The following FAM78B variants were observed in gnomAD, a reference collection of about 807,000 sequenced individuals.
FAM78B encodes the protein family with sequence similarity 78 member B, also known as protein FAM78B.
Under a neutral mutation model 20.0 loss-of-function variants are expected in FAM78B, and 10 were observed. The observed-to-expected ratio is 0.50, with a 90% confidence interval of 0.31 to 0.85. The LOEUF (loss-of-function observed/expected upper bound fraction) is 0.85. Among genes scored for constraint, FAM78B ranks in the 40% least tolerant of loss-of-function variants. The probability of loss-of-function intolerance (pLI) is 0.05; values close to 1 mark genes in which losing one functional copy is unlikely to be tolerated. For synonymous variants in FAM78B, 135 were observed against 132.8 expected (o/e 1.02, Z -0.12); for missense variants, 283 against 345.0 (o/e 0.82, Z 1.42).
intron 1 of FAM78B, among the ~76,000 whole-genome samples, chr1:166,105,847 C>A (rs1372729973): frequency 4.0e-5 from 6 of 151,680 alleles, no homozygotes; most frequent in Non-Finnish European, 8.8e-5. Flanking sequence ...CCAGCCATCC[C>A]ATTACTGGGT....
intron 1 of FAM78B, among the ~76,000 whole-genome samples, chr1:166,141,069 A>C (rs929260404): frequency 2.0e-5 from 3 of 152,208 alleles, no homozygotes; most frequent in African/African-American, 4.8e-5. Flanking sequence ...AATATATCAG[A>C]AATGCTCCCC....
intron 2 of FAM78B, among the ~76,000 whole-genome samples, chr1:166,063,694 G>T (rs891327263): frequency 2.6e-5 from 4 of 152,120 alleles, no homozygotes; most frequent in African/African-American, 9.7e-5. Flanking sequence ...TAGGCTCAGC[G>T]ATCTCACTAT....
downstream of FAM78B, among the ~76,000 whole-genome samples, chr1:166,067,665 TA>T (rs1651851151): frequency 6.6e-6 from 1 of 152,124 alleles, no homozygotes; most frequent in African/African-American, 2.4e-5. Context: ...CATTTCCTTG[TA>T]AAACAACAGT....
intron 1 of FAM78B, among the ~76,000 whole-genome samples, chr1:166,105,758 G>T (rs1020532864): frequency 7.3e-5 from 11 of 151,716 alleles, no homozygotes; most frequent in African/African-American, 2.4e-4. Context: ...ACTGTTGGTG[G>T]GACTGTAAAC....
intron 1 of FAM78B, among the ~76,000 whole-genome samples, chr1:166,130,868 C>T (rs913236056): frequency 6.6e-6 from 1 of 151,994 alleles, no homozygotes; most frequent in Non-Finnish European, 1.5e-5. Context: ...TGTGGCAGAA[C>T]TCAGAAGAAA....
chr1:166,151,564 T>A (rs569646646), intron 1 of FAM78B, among the ~76,000 whole-genome samples: 2 of 152,312 alleles, frequency 1.3e-5, no homozygotes, highest in East Asian at 3.9e-4. Context: ...TGTCCAATTG[T>A]TGGCCTAGGA....
At chr1:166,155,364 CCG>C (rs1269128310) in intron 1 of FAM78B, among the ~76,000 whole-genome samples, 9 of 152,192 alleles carry the variant, frequency 5.9e-5, no homozygotes, top group African/African-American at 1.7e-4. Context: ...TGTTATCCGA[CCG>C]CTGTAGGCCT....
At chr1:166,097,332 A>G (rs1020708538) in intron 1 of FAM78B, among the ~76,000 whole-genome samples, 1 of 152,212 alleles carries the variant, frequency 6.6e-6, no homozygotes, top group Non-Finnish European at 1.5e-5. Context: ...ACTCTGCAAC[A>G]ACTTGAATAG....
At chr1:166,163,522 C>A (rs1656240650) in intron 1 of FAM78B, among the ~76,000 whole-genome samples, 1 of 152,190 alleles carries the variant, frequency 6.6e-6, no homozygotes, top group Non-Finnish European at 1.5e-5. Flanking sequence ...GTTTTCTAAT[C>A]CAAACCCTTT....
intron 1 of FAM78B, among the ~76,000 whole-genome samples, chr1:166,118,923 T>C (rs368255461): frequency 9.9e-4 from 150 of 152,254 alleles, no homozygotes; most frequent in African/African-American, 3.5e-3. Flanking sequence ...CATTCCATTT[T>C]GTCATTTTGC....
At chr1:166,072,400 C>T (rs1292727448) in intron 1 of FAM78B, among the ~76,000 whole-genome samples, 3 of 152,186 alleles carry the variant, frequency 2.0e-5, no homozygotes, top group Non-Finnish European at 4.4e-5. Context: ...TCATGGTTGG[C>T]AGACACTAAG....
intron 1 of FAM78B, among the ~76,000 whole-genome samples, chr1:166,150,032 G>C (rs968152440): frequency 2.0e-5 from 3 of 152,210 alleles, no homozygotes; most frequent in Non-Finnish European, 4.4e-5. Context: ...TCAGGGAACA[G>C]GTGCAGAGAA....
chr1:166,119,671 C>T (rs1654393374), intron 1 of FAM78B, among the ~76,000 whole-genome samples: 1 of 152,226 alleles, frequency 6.6e-6, no homozygotes, highest in Admixed American at 6.5e-5. Flanking sequence ...TGCATTTCCA[C>T]TTCTATTACA....
chr1:166,113,531 C>A (rs1004044889), intron 1 of FAM78B, among the ~76,000 whole-genome samples: 5 of 152,212 alleles, frequency 3.3e-5, no homozygotes, highest in Non-Finnish European at 7.3e-5. Context: ...TTAGGATTTA[C>A]CCTCCAAGGA....
chr1:166,159,385 C>T (rs61835129), intron 1 of FAM78B, among the ~76,000 whole-genome samples: 10,755 of 152,126 alleles, frequency 0.071, 470 homozygotes, highest in South Asian at 0.14. Context: ...GACAATAGTA[C>T]CTAGTTCCCA....
At chr1:166,109,832 G>GTATATATATATATATATA (rs1215891381) in intron 1 of FAM78B, among the ~76,000 whole-genome samples, 1 of 28,274 alleles carries the variant, frequency 3.5e-5, no homozygotes, top group Non-Finnish European at 7.5e-5. Flanking sequence ...ATATATATAT[G>GTATATATATATATATATA]TATATATGTA....
chr1:166,057,510 T>C (rs999515216), exon 3 of FAM78B: 3 of 152,262 alleles, frequency 2.0e-5, no homozygotes, highest in African/African-American at 7.2e-5. Context: ...TGAGTTTATG[T>C]AACATCTGAA....
intron 1 of FAM78B, among the ~76,000 whole-genome samples, chr1:166,128,825 T>C (rs1654737131): frequency 1.3e-5 from 2 of 152,152 alleles, no homozygotes; most frequent in African/African-American, 4.8e-5. Context: ...TATTAATGAC[T>C]AAATATGTAT....
chr1:166,087,468 C>G (rs1035688358), intron 1 of FAM78B: 1 of 152,210 alleles, frequency 6.6e-6, no homozygotes, highest in Non-Finnish European at 1.5e-5. Context: ...GATACCTCAA[C>G]AGGCCAAATT....
Sources: allele counts gnomAD v4.1 joint callset (sites outside exome capture counted in the v4.1 genomes callset), GRCh38; gene constraint gnomAD v4.1.1; transcripts MANE v1.5; gene names NCBI Gene and HGNC (gene_info 2026-07-23, HGNC 2026-07-21).